Variants in CALD1 observed in about 807,000 individuals in gnomAD.
The protein encoded by CALD1 is caldesmon 1, also known as caldesmon.
CALD1 carries 33 observed loss-of-function variants against 99.9 expected under a neutral mutation model. That is an observed-to-expected ratio of 0.33 (90% confidence interval 0.25 to 0.44). The LOEUF (loss-of-function observed/expected upper bound fraction) is 0.44, where lower values mean the gene tolerates loss of function less well. CALD1 is among the 20% of genes least tolerant of loss of function. The pLI, the probability that CALD1 is intolerant of heterozygous loss-of-function variation, is 1.00. For missense variants in CALD1, 861 were observed against 962.1 expected (o/e 0.89, Z 1.39); for synonymous variants, 310 against 325.0 (o/e 0.95, Z 0.50).
the CALD1 span, among the ~76,000 whole-genome samples, chr7:134,720,012 C>T: frequency 6.6e-6 from 1 of 152,086 alleles, no homozygotes; most frequent in Admixed American, 6.5e-5. Context: ...GGTTTCTTAA[C>T]CCCCGCTTTG....
At position 134,957,017 on chromosome 7, in the gene CALD1, A is replaced by G. The variant is rs775559923; in HGVS notation, c.1936-1052A>G. The stretch of plus-strand genomic sequence containing the variant: ...AGCTTTAAAAAAAAAAGAACTCATC[A>G]AAGACTACTAACTGCTGATTTTTTC... On this transcript the variant is annotated intron_variant, in intron 9 of 14. Transcript: ENST00000361675. Among the ~76,000 whole-genome samples the G allele has an allele frequency of 7.9e-5, 12 of 152,246 alleles. No individual in the cohort carries two copies. In the South Asian group the frequency reaches 1.0e-3, roughly 13 times the overall value.
At chr7:134,776,080 GC>G (rs1796916408), upstream of CALD1, among the ~76,000 whole-genome samples, 1 of 152,024 alleles carries the variant, frequency 6.6e-6, no homozygotes, top group South Asian at 2.1e-4. Context: ...TAATTGTATA[GC>G]AAATAAAGAC....
the CALD1 span, among the ~76,000 whole-genome samples, chr7:134,722,495 A>T: frequency 6.6e-6 from 1 of 152,048 alleles, no homozygotes. Flanking sequence ...ATCTCAGCTC[A>T]CTGCACCCTC....
At chr7:134,733,795 C>A in the CALD1 span, among the ~76,000 whole-genome samples, 7 of 141,564 alleles carry the variant, frequency 4.9e-5, no homozygotes, top group African/African-American at 1.1e-4. Flanking sequence ...GGTGACTGAG[C>A]GAGACTCTGT....
intron 3 of CALD1, 108 bp from the exon 4 acceptor site, chr7:134,928,646 C>A: frequency 2.0e-6 from 2 of 979,604 alleles, no homozygotes; most frequent in Non-Finnish European, 3.0e-6. Flanking sequence ...GTATGTGGTT[C>A]ATTAAGCAGT....
At chr7:134,921,968 C>A (rs901848428) in intron 3 of CALD1, among the ~76,000 whole-genome samples, 6 of 152,196 alleles carry the variant, frequency 3.9e-5, no homozygotes, top group Admixed American at 2.6e-4. Context: ...TTAAACTGTG[C>A]TATCCTATTA....
At chr7:134,825,554 ATATCT>A (rs1798954523) in intron 1 of CALD1, among the ~76,000 whole-genome samples, 1 of 152,120 alleles carries the variant, frequency 6.6e-6, no homozygotes. Context: ...GGATTTATAG[ATATCT>A]TATGTATATT....
chr7:134,968,437 T>A lies in CALD1; in HGVS notation c.*92T>A. The A allele has an allele frequency of 9.1e-7, 1 of 1,102,828 alleles. No homozygotes were observed. Among genetic ancestry groups the A allele is most frequent in the Non-Finnish European group, 1.4e-6 (1 of 717,930 alleles). The allele number at this position is 1,102,828 out of a possible 1,614,324, so 68.3% of individuals were successfully genotyped here. On this transcript the variant is annotated 3_prime_UTR_variant, in exon 15 of 15. Coordinates refer to ENST00000361675, the MANE Select transcript of CALD1 (RefSeq NM_033138.4). Reference sequence around the variant, plus strand: ...CTGTTTTGTATTTATGTTGATTTACTAAATTGGGTTCATTATCTTTTATTT... The same window carrying A: ...CTGTTTTGTATTTATGTTGATTTACAAAATTGGGTTCATTATCTTTTATTT...
At chr7:134,712,006 G>GGAGGGAGGGAAGGAGGGAGA in the CALD1 span, among the ~76,000 whole-genome samples, 9 of 129,356 alleles carry the variant, frequency 7.0e-5, no homozygotes, top group Non-Finnish European at 9.7e-5. Flanking sequence ...AAGAAGGAAA[G>GGAGGGAGGGAAGGAGGGAGA]GAGGGAGGGA....
At chr7:134,847,145 C>T (rs1195423456) in intron 2 of CALD1, among the ~76,000 whole-genome samples, 2 of 152,146 alleles carry the variant, frequency 1.3e-5, no homozygotes, top group South Asian at 2.1e-4. Context: ...CCCTTGTTTT[C>T]GAATGGGAGA....
At chr7:134,893,773 G>A (rs774009949) in intron 3 of CALD1, among the ~76,000 whole-genome samples, 1 of 152,174 alleles carries the variant, frequency 6.6e-6, no homozygotes, top group Non-Finnish European at 1.5e-5. Context: ...GACGAGGCAA[G>A]TCTCAATCAT....
At chr7:134,856,458 A>G (rs1439358039) in intron 2 of CALD1, among the ~76,000 whole-genome samples, 1 of 152,222 alleles carries the variant, frequency 6.6e-6, no homozygotes, top group Admixed American at 6.5e-5. Flanking sequence ...GAGCATGGTT[A>G]GAGAGCAAAA....
intron 2 of CALD1, among the ~76,000 whole-genome samples, chr7:134,844,643 G>A (rs1799779581): frequency 6.6e-6 from 1 of 152,192 alleles, no homozygotes; most frequent in South Asian, 2.1e-4. Flanking sequence ...GGCTACCATA[G>A]TGAAAATCCA....
At chr7:134,800,806 G>A (rs1397065877) in intron 1 of CALD1, among the ~76,000 whole-genome samples, 2 of 151,864 alleles carry the variant, frequency 1.3e-5, no homozygotes, top group African/African-American at 4.8e-5. Context: ...TGCTTAATAT[G>A]TTTTCTTCAA....
At position 134,747,085 on chromosome 7, in the gene CALD1, G is replaced by C. The variant is rs553498897; in HGVS notation, c.-130+2722G>C. ...GAAAACTTGTGTGGAAGAGAACAAG[G>C]GTGTGGCCAAATGATTATTTGATAA... is the stretch of plus-strand genomic sequence containing the variant. On this transcript the variant is annotated intron_variant, in intron 1 of 13. Coordinates refer to the CALD1 transcript ENST00000417172. Among the ~76,000 whole-genome samples the C allele has an allele frequency of 5.9e-5, 9 of 152,232 alleles. No homozygotes were observed. In the South Asian group the frequency reaches 1.9e-3, roughly 32 times the overall value.
intron 3 of CALD1, among the ~76,000 whole-genome samples, chr7:134,888,606 C>T (rs1047062914): frequency 2.0e-5 from 3 of 152,198 alleles, no homozygotes; most frequent in Non-Finnish European, 4.4e-5. Context: ...CGTCTTCCCG[C>T]GTTGCCTGTC....
chr7:134,863,493 T>C (rs1000742060), intron 2 of CALD1, among the ~76,000 whole-genome samples: 1 of 152,194 alleles, frequency 6.6e-6, no homozygotes, highest in Admixed American at 6.5e-5. Context: ...CTCACAAACA[T>C]CTCCTGCCTT....
At chr7:134,962,512 T>C (rs1348019525) in intron 13 of CALD1, 2 of 236,296 alleles carry the variant, frequency 8.5e-6, no homozygotes, top group Non-Finnish European at 1.7e-5. Flanking sequence ...GTATAGATTT[T>C]AGTGAGATCC....
intron 1 of CALD1, among the ~76,000 whole-genome samples, chr7:134,830,172 T>C (rs1262928107): frequency 6.6e-6 from 1 of 152,156 alleles, no homozygotes; most frequent in Non-Finnish European, 1.5e-5. Flanking sequence ...TCAGAATGCT[T>C]GCACCCTAAG....
Sources: gnomAD v4.1 joint callset for allele counts (sites outside exome capture counted in the v4.1 genomes callset) on GRCh38, gnomAD v4.1.1 for gene constraint, MANE v1.5 for transcripts, NCBI Gene and HGNC (gene_info 2026-07-23, HGNC 2026-07-21) for gene names.